The following LRP8 variants were observed in gnomAD, a reference collection of about 807,000 sequenced individuals.
LRP8 encodes the protein LDL receptor related protein 8, also known as low-density lipoprotein receptor-related protein 8.
In LRP8, 46 loss-of-function variants were observed where a neutral mutation model predicts 111.6. The ratio of observed to expected loss-of-function variants is 0.41; its 90% CI spans 0.33 to 0.53. The LOEUF (loss-of-function observed/expected upper bound fraction) is 0.53. LRP8 is among the 20% of genes least tolerant of loss of function. LRP8 has a pLI of 0.20. For missense variants in LRP8, 959 were observed against 1,297.4 expected, an observed-to-expected ratio of 0.74 and a Z score of 4.01; for synonymous variants, 464 against 511.2, an observed-to-expected ratio of 0.91 and a Z score of 1.24.
chr1:53,288,796 C>T (rs1468587813), intron 3 of LRP8, among the ~76,000 whole-genome samples: 3 of 152,228 alleles, frequency 2.0e-5, no homozygotes, highest in Non-Finnish European at 4.4e-5. Flanking sequence ...CTGCTGGGTC[C>T]TTCCCCGCCC....
At chr1:53,255,289 C>T in intron 15 of LRP8, 104 bp from the exon 16 acceptor site, 2 of 924,054 alleles carry the variant, frequency 2.2e-6, no homozygotes, top group Non-Finnish European at 3.4e-6. Flanking sequence ...CATCCTCATT[C>T]TAAAATGATG....
chr1:53,321,981 G>A (rs1654576511), intron 2 of LRP8, among the ~76,000 whole-genome samples: 1 of 152,072 alleles, frequency 6.6e-6, no homozygotes, highest in Non-Finnish European at 1.5e-5. Flanking sequence ...CAACTCCCTG[G>A]CTGAGGCGAG....
chr1:53,306,076 C>T (rs918420057), intron 2 of LRP8: 1 of 152,272 alleles, frequency 6.6e-6, no homozygotes. Flanking sequence ...GAGACCTCTT[C>T]TGATCCACAG....
At chr1:53,287,244 C>CA (rs1647700273) in intron 3 of LRP8, among the ~76,000 whole-genome samples, 1 of 152,234 alleles carries the variant, frequency 6.6e-6, no homozygotes, top group African/African-American at 2.4e-5. Context: ...CTATCAGGTC[C>CA]TGCTGCCCCA....
At chr1:53,252,607 T>C (rs1255088012) in intron 16 of LRP8, among the ~76,000 whole-genome samples, 2 of 152,140 alleles carry the variant, frequency 1.3e-5, no homozygotes, top group African/African-American at 4.8e-5. Flanking sequence ...TCAAAAGCTA[T>C]AAAATACCTA....
In LRP8 at chr1:53,243,662, T is replaced by G. The variant is rs1216925913; in HGVS notation, c.*3356A>C. 3 of 152,248 alleles carry G rather than the reference T, an allele frequency of 2.0e-5. No individual in the cohort carries two copies. The highest frequency in any genetic ancestry group is 6.5e-5 in the Admixed American group (1 of 15,290). The allele number at this position is 152,248 out of a possible 1,614,324, so 9.4% of individuals were successfully genotyped here. ...CTTTTGTTCCTGTTAGAATGAACTG[T>G]GCAATTCCTAAAGTCCCTGTGCTCT... On this transcript the variant is annotated 3_prime_UTR_variant, in exon 19 of 19. Coordinates refer to ENST00000306052, the MANE Select transcript of LRP8 (RefSeq NM_004631.5).
At chr1:53,258,197 C>T (rs1439346692) in intron 14 of LRP8, 122 bp downstream of exon 14, 4 of 1,013,614 alleles carry the variant, frequency 3.9e-6, no homozygotes, top group African/African-American at 1.6e-5. Context: ...CAAAAGGCAA[C>T]AAGTAACCAG....
chr1:53,315,618 C>T (rs747488687), intron 2 of LRP8, among the ~76,000 whole-genome samples: 3 of 152,208 alleles, frequency 2.0e-5, no homozygotes, highest in Non-Finnish European at 4.4e-5. Context: ...AGATCCTCTC[C>T]TGGATGAGGT....
intron 2 of LRP8, among the ~76,000 whole-genome samples, chr1:53,311,198 C>A (rs968305295): frequency 3.3e-5 from 5 of 152,148 alleles, no homozygotes; most frequent in Admixed American, 3.3e-4. Flanking sequence ...TGCCCACCCC[C>A]AACACCGAGT....
intron 1 of LRP8, chr1:53,327,548 C>G: frequency 2.0e-6 from 1 of 503,442 alleles, no homozygotes; most frequent in Non-Finnish European, 3.1e-6. Flanking sequence ...CCCCGCTGGC[C>G]AAGCCCCCCT....
In LRP8 at chr1:53,276,934, C is replaced by A; in HGVS notation, c.641G>T (p.Gly214Val). The A allele has an allele frequency of 6.9e-7, 1 of 1,454,580 alleles. No homozygotes were observed. The highest frequency in any genetic ancestry group is 3.1e-5 in the East Asian group (1 of 32,052). The allele number at this position is 1,454,580 out of a possible 1,614,324, so 90.1% of individuals were successfully genotyped here. ...GATGCAGGCGCCGCCGCCATCGCCG[C>A]CGCAGCGGAACTCGCGGGGCCCGCA... ...PACGPREFRC[G>V]GDGGGACIPE... The change falls in exon 5 of 19, where the codon GGC becomes GTC. Residue 214 changes from glycine (G) to valine (V), a missense_variant. Physicochemically the swap from Gly to Val is moderately radical, Grantham distance 109. Coordinates refer to ENST00000306052, the MANE Select transcript of LRP8 (RefSeq NM_004631.5).
chr1:53,298,693 C>T (rs1431711637), intron 2 of LRP8, among the ~76,000 whole-genome samples: 1 of 152,190 alleles, frequency 6.6e-6, no homozygotes, highest in African/African-American at 2.4e-5. Flanking sequence ...CCACTCCTAC[C>T]CCAGTGGAAA....
Position 53,245,452 on chromosome 1 carries a change from A to T in LRP8, c.*1566T>A, listed in dbSNP as rs1286499523. The stretch of plus-strand genomic sequence containing the variant: ...ACTATAGGATTATGTTTCCAATGGG[A>T]GACCCCACAAGTAGAAAAGAGCACT... On this transcript the variant is annotated 3_prime_UTR_variant, in exon 19 of 19. Transcript: ENST00000306052. 6.6e-6 allele frequency: 1 copy of T among 152,180 alleles called. No homozygotes were observed. The highest frequency in any genetic ancestry group is 2.4e-5 in the African/African-American group (1 of 41,444). The allele number at this position is 152,180 out of a possible 1,614,324, so 9.4% of individuals were successfully genotyped here. A position where few individuals can be genotyped will look rare whatever the true frequency, so the allele number is the denominator to read the frequency against.
At position 53,266,475 on chromosome 1, in the gene LRP8, A is replaced by G. The variant is rs79170417; in HGVS notation, c.1425T>C (p.Tyr475=). 1.8e-4 allele frequency: 290 copies of G among 1,614,090 alleles called. No homozygotes were observed. The African/African-American group carries it at 3.6e-3, about 20-fold the overall frequency. ...YWCDLSYRKI[Y]SAYMDKASDP... ...CTGCAGAGGATATGGCCGCTCACCT[A>G]TAGATCTTACGGTAGGAGAGGTCAC... The change falls in exon 9 of 19, where the codon TAT becomes TAC. Residue 475 remains tyrosine, a splice_region_variant and synonymous_variant. Coordinates refer to ENST00000306052, the MANE Select transcript of LRP8 (RefSeq NM_004631.5). The surrounding 1 kb of genome is among the most constrained non-coding windows in gnomAD (Gnocchi z 5.0).
intron 3 of LRP8, among the ~76,000 whole-genome samples, chr1:53,286,192 G>A (rs535971156): frequency 9.2e-5 from 14 of 152,256 alleles, no homozygotes; most frequent in African/African-American, 3.1e-4. Context: ...AACTGCCAGT[G>A]TCACTCAATC....
chr1:53,312,738 G>A (rs1653234750), intron 2 of LRP8, among the ~76,000 whole-genome samples: 1 of 152,164 alleles, frequency 6.6e-6, no homozygotes, highest in African/African-American at 2.4e-5. Context: ...CTGGGGACCT[G>A]AGAGAGCAGT....
chr1:53,298,673 C>T (rs1389584402), intron 2 of LRP8, among the ~76,000 whole-genome samples: 1 of 152,206 alleles, frequency 6.6e-6, no homozygotes, highest in Non-Finnish European at 1.5e-5. Flanking sequence ...CCCAGCCTCA[C>T]ATTCCCCTTC....
chr1:53,287,425 A>G (rs769880744), intron 3 of LRP8, among the ~76,000 whole-genome samples: 9 of 152,208 alleles, frequency 5.9e-5, no homozygotes, highest in South Asian at 2.1e-4. Flanking sequence ...GAGTTTAGGA[A>G]TCTAGGAATG....
chr1:53,275,599 G>C lies in LRP8; in HGVS notation c.1006+32C>G, dbSNP rs1187880531. ...TACCAGAGCCTAGGGCATCCTCACA[G>C]AGGATGTGTTCTGTGCCCTGACCAC... On this transcript the variant is annotated intron_variant, in intron 6 of 18. Coordinates refer to ENST00000306052, the MANE Select transcript of LRP8 (RefSeq NM_004631.5). The surrounding 1 kb of genome is among the most constrained non-coding windows in gnomAD (Gnocchi z 4.4). The C allele has an allele frequency of 6.2e-7, 1 of 1,611,700 alleles. No homozygotes were observed. The highest frequency in any genetic ancestry group is 1.7e-5 in the Admixed American group (1 of 59,920).
Sources: gnomAD v4.1 joint callset for allele counts (sites outside exome capture counted in the v4.1 genomes callset) on GRCh38, gnomAD v4.1.1 for gene constraint, Gnocchi (gnomAD v3.1) non-coding constraint, MANE v1.5 for transcripts, NCBI Gene and HGNC (gene_info 2026-07-23, HGNC 2026-07-21) for gene names.